ANK3: variants seen among roughly 807,000 people sequenced by gnomAD.
ANK3 encodes ankyrin-3.
Under a neutral mutation model 370.9 loss-of-function variants are expected in ANK3, and 57 were observed. The observed-to-expected ratio is 0.15, with a 90% CI of 0.12 to 0.19. The LOEUF is 0.19. Ranked by LOEUF, ANK3 falls within the 10% of genes least tolerant of loss-of-function variation. The pLI, the probability that ANK3 is intolerant of heterozygous loss-of-function variation, is 1.00. For synonymous variants in ANK3, 1,929 were observed against 1,946.3 expected (o/e 0.99, Z 0.23); for missense variants, 4,439 against 5,302.1 (o/e 0.84, Z 5.06).
At chr10:60,032,743 A>G (rs1252130893) in intron 43 of ANK3, among the ~76,000 whole-genome samples, 2 of 151,976 alleles carry the variant, frequency 1.3e-5, no homozygotes, top group Non-Finnish European at 2.9e-5. Context: ...GTTTTGGGTG[A>G]TTTTTTTTAA....
intron 2 of ANK3, among the ~76,000 whole-genome samples, chr10:60,563,507 T>G (rs143562295): frequency 6.6e-6 from 1 of 152,312 alleles, no homozygotes; most frequent in East Asian, 1.9e-4. Flanking sequence ...CAGCAGTGTC[T>G]TGGGGCAGCA....
At position 60,071,048 on chromosome 10, in the gene ANK3, T is replaced by C. The variant is rs2082588222; in HGVS notation, c.9833A>G (p.Glu3278Gly). ...DKKHHYLPEK[E>G]VDMIEVNLQD... ...CAGATTGACTTCAATCATGTCAACCTCTTTTTCTGGGAGATAATGATGCTT... is the reference window on the plus strand; with the variant it reads ...CAGATTGACTTCAATCATGTCAACCCCTTTTTCTGGGAGATAATGATGCTT... Residue 3278 changes from glutamate (E) to glycine (G), a missense_variant, in exon 37 of 44, where the codon GAG (glutamate) becomes GGG (glycine). Physicochemically the swap from Glu to Gly is moderately conservative, Grantham distance 98. Transcript: ENST00000280772. 1 of 1,614,180 alleles carries C rather than the reference T, an allele frequency of 6.2e-7. No homozygotes were observed. Among genetic ancestry groups the C allele is most frequent in the Non-Finnish European group, 8.5e-7 (1 of 1,180,012 alleles).
At chr10:60,532,253 T>C (rs2076622164) in intron 2 of ANK3, among the ~76,000 whole-genome samples, 1 of 152,158 alleles carries the variant, frequency 6.6e-6, no homozygotes, top group Non-Finnish European at 1.5e-5. Context: ...TGAATGTATG[T>C]GTGGCCATCT....
Position 60,378,568 on chromosome 10 carries a change from C to T in ANK3, c.114+10857G>A, listed in dbSNP as rs138975675. Among the ~76,000 whole-genome samples, 525 of 152,168 alleles carry T rather than the reference C, an allele frequency of 3.5e-3. 4 individuals carry two copies. The highest frequency in any genetic ancestry group is 0.012 in the African/African-American group (498 of 41,522). On this transcript the variant is annotated intron_variant, in intron 1 of 43. Transcript: ENST00000280772. ...ATATCTACAGCCAACTGATTTTTGA[C>T]GAAGGTGCAAAGAACGCTCATTGGG...
intron 42 of ANK3, among the ~76,000 whole-genome samples, chr10:60,052,118 TG>T (rs1432600881): frequency 2.6e-5 from 4 of 152,162 alleles, no homozygotes; most frequent in Non-Finnish European, 5.9e-5. Flanking sequence ...CCCAGCACTT[TG>T]GGAGGCCAAG....
At chr10:60,165,248 TTTTTC>T (rs1259420293) in intron 23 of ANK3, among the ~76,000 whole-genome samples, 2 of 152,210 alleles carry the variant, frequency 1.3e-5, no homozygotes, top group Non-Finnish European at 2.9e-5. Context: ...AGAATATCAT[TTTTTC>T]TTTTATCTTC....
At chr10:60,138,755 T>C (rs1381277450) in intron 24 of ANK3, 2 of 637,010 alleles carry the variant, frequency 3.1e-6, no homozygotes, top group South Asian at 2.1e-5. Context: ...GAACACACAA[T>C]TAACATGTTC....
intron 2 of ANK3, among the ~76,000 whole-genome samples, chr10:60,588,608 C>T (rs1181399914): frequency 6.6e-6 from 1 of 151,872 alleles, no homozygotes; most frequent in African/African-American, 2.4e-5. Context: ...GAACAAATTA[C>T]CTAATTCTCT....
chr10:60,475,304 C>T (rs925156974), intron 2 of ANK3, among the ~76,000 whole-genome samples: 1 of 152,074 alleles, frequency 6.6e-6, no homozygotes, highest in Non-Finnish European at 1.5e-5. Flanking sequence ...AAAAGTTTTA[C>T]CATCTCCCCA....
chr10:60,384,785 C>T (rs2062025650), intron 1 of ANK3, among the ~76,000 whole-genome samples: 1 of 152,192 alleles, frequency 6.6e-6, no homozygotes, highest in Non-Finnish European at 1.5e-5. Context: ...GAATCCAGGA[C>T]ATTTAATTCT....
At chr10:60,523,834 C>T (rs1418760311) in intron 2 of ANK3, among the ~76,000 whole-genome samples, 3 of 152,060 alleles carry the variant, frequency 2.0e-5, no homozygotes, top group Non-Finnish European at 2.9e-5. Flanking sequence ...GTCATATACA[C>T]TCTTTGTCAC....
intron 1 of ANK3, among the ~76,000 whole-genome samples, chr10:60,717,440 G>C (rs2079806331): frequency 1.3e-5 from 2 of 152,140 alleles, no homozygotes; most frequent in Admixed American, 1.3e-4. Flanking sequence ...GGAGCAGCCT[G>C]TCTCTTTGAG....
Position 60,074,274 on chromosome 10 carries a change from A to G in ANK3, c.6607T>C (p.Leu2203=), listed in dbSNP as rs2083339170. The change falls in exon 37 of 44, where the codon TTG becomes CTG. Residue 2203 remains leucine, a synonymous_variant. Transcript: ENST00000280772. ...CTAGAGGTGGTGGGCTTTGGTTCCA[A>G]TTCCATAAAAGTAGGTGAAGGTTTA... is the stretch of plus-strand genomic sequence containing the variant. The part of the protein sequence containing the change: ...SPKPSPTFME[L]EPKPTTSSIK... The G allele has an allele frequency of 2.5e-6, 4 of 1,614,060 alleles. No homozygotes were observed. The highest frequency in any genetic ancestry group is 3.4e-6 in the Non-Finnish European group (4 of 1,179,988).
At chr10:60,415,916 G>GGCC (rs1567021986) in intron 2 of ANK3, among the ~76,000 whole-genome samples, 4 of 81,272 alleles carry the variant, frequency 4.9e-5, no homozygotes, top group Admixed American at 1.2e-4. Context: ...CTGAATTTGT[G>GGCC]CCCCCCACCC....
At chr10:60,433,351 T>C (rs900534590) in intron 2 of ANK3, among the ~76,000 whole-genome samples, 1 of 152,120 alleles carries the variant, frequency 6.6e-6, no homozygotes, top group African/African-American at 2.4e-5. Flanking sequence ...CTTAGAATAA[T>C]GCTGAGAAAC....
intron 1 of ANK3, among the ~76,000 whole-genome samples, chr10:60,354,943 CT>C (rs1469454023): frequency 6.6e-6 from 1 of 152,074 alleles, no homozygotes; most frequent in East Asian, 1.9e-4. Context: ...AATAAATACC[CT>C]GAGTCTGATC....
chr10:60,605,505 T>C (rs2078116851), intron 2 of ANK3, among the ~76,000 whole-genome samples: 1 of 152,252 alleles, frequency 6.6e-6, no homozygotes, highest in South Asian at 2.1e-4. Context: ...TTCATAAGCA[T>C]TTATGAACTA....
intron 1 of ANK3, among the ~76,000 whole-genome samples, chr10:60,661,251 T>A (rs1342152021): frequency 1.3e-5 from 2 of 151,596 alleles, no homozygotes; most frequent in African/African-American, 4.8e-5. Flanking sequence ...CATATAAACA[T>A]ATAAGCAAAT....
In ANK3 at chr10:60,070,311, C is replaced by T; in HGVS notation, c.10570G>A (p.Val3524Ile). The T allele has an allele frequency of 3.1e-6, 5 of 1,614,112 alleles. No individual in the cohort carries two copies. Among genetic ancestry groups the T allele is most frequent in the Non-Finnish European group, 4.2e-6 (5 of 1,180,010 alleles). Residue 3524 changes from valine (V) to isoleucine (I), a missense_variant, in exon 37 of 44, where the codon GTA becomes ATA. Physicochemically the swap from Val to Ile is conservative, Grantham distance 29. Coordinates refer to ENST00000280772, the MANE Select transcript of ANK3 (RefSeq NM_020987.5). This position sits in a 1 kb window ranked among gnomAD's most constrained non-coding sequence, Gnocchi z 5.7. ...AAAGGAGTGGCAAATTCTTCATCTA[C>T]TTTGTAACTGAAGTAAGTATCAGGA... is the stretch of plus-strand genomic sequence containing the variant. ...VFPDTYFSYK[V>I]DEEFATPFKT...
Sources: allele counts gnomAD v4.1 joint callset (sites outside exome capture counted in the v4.1 genomes callset), GRCh38; gene constraint gnomAD v4.1.1; non-coding constraint Gnocchi (gnomAD v3.1); transcripts MANE v1.5; gene names NCBI Gene and HGNC (gene_info 2026-07-23, HGNC 2026-07-21).